The following TTC39C variants were observed in gnomAD, a reference collection of about 807,000 sequenced individuals.
The protein encoded by TTC39C is tetratricopeptide repeat protein 39C.
Under a neutral mutation model 76.3 loss-of-function variants are expected in TTC39C, and 33 were observed. That is an observed-to-expected ratio of 0.43 (90% CI 0.33 to 0.58). The LOEUF is 0.58. Ranked by LOEUF, TTC39C falls within the 20% of genes least tolerant of loss-of-function variation. The pLI, the probability that TTC39C is intolerant of heterozygous loss-of-function variation, is 0.04. For missense variants in TTC39C, 595 were observed against 701.4 expected (o/e 0.85, Z 1.71); for synonymous variants, 254 against 260.6 (o/e 0.97, Z 0.24).
chr18:24,120,423 C>T (rs1035527302), intron 8 of TTC39C, among the ~76,000 whole-genome samples: 3 of 152,162 alleles, frequency 2.0e-5, no homozygotes, highest in East Asian at 1.9e-4. Flanking sequence ...TTGGGCTGGC[C>T]GTGAGCTAGA....
chr18:24,070,034 T>G (rs973364134), intron 4 of TTC39C, among the ~76,000 whole-genome samples: 1 of 152,222 alleles, frequency 6.6e-6, no homozygotes, highest in African/African-American at 2.4e-5. Context: ...AAACCCTAAA[T>G]GAAGAAGGAT....
chr18:24,016,516 T>C, intron 1 of TTC39C: 1 of 393,380 alleles, frequency 2.5e-6, no homozygotes, highest in East Asian at 3.6e-5. Flanking sequence ...GGTACTTGCA[T>C]GTTTAAGTAC....
intron 1 of TTC39C, among the ~76,000 whole-genome samples, chr18:24,056,894 G>C (rs2084023467): frequency 6.6e-6 from 1 of 152,004 alleles, no homozygotes; most frequent in African/African-American, 2.4e-5. Context: ...TGTTGCCCAG[G>C]CTGGTTTGGA....
At chr18:24,111,135 C>T (rs1404018203) in intron 6 of TTC39C, among the ~76,000 whole-genome samples, 1 of 152,076 alleles carries the variant, frequency 6.6e-6, no homozygotes, top group Non-Finnish European at 1.5e-5. Context: ...GGACTACAGA[C>T]ATGTGCCACC....
intron 6 of TTC39C, among the ~76,000 whole-genome samples, chr18:24,098,404 C>CCCTACCTCCTTCCTTCCTT (rs2084619578): frequency 8.0e-6 from 1 of 124,938 alleles, no homozygotes; most frequent in Non-Finnish European, 1.7e-5. Flanking sequence ...CTCCCTCCCT[C>CCCTACCTCCTTCCTTCCTT]CCTCCCTCCC....
chr18:24,039,633 C>T (rs75146656), intron 1 of TTC39C, among the ~76,000 whole-genome samples: 6,079 of 152,238 alleles, frequency 0.04, 405 homozygotes, highest in African/African-American at 0.14. Context: ...TGCCTGGCAC[C>T]ATTGGTGGTT....
chr18:24,074,972 TA>T (rs2084285260), intron 4 of TTC39C, among the ~76,000 whole-genome samples: 1 of 152,078 alleles, frequency 6.6e-6, no homozygotes, highest in African/African-American at 2.4e-5. Flanking sequence ...TATGCAGCCA[TA>T]AAAAAGGATG....
intron 1 of TTC39C, among the ~76,000 whole-genome samples, chr18:24,042,432 T>C (rs2083806833): frequency 6.6e-6 from 1 of 152,168 alleles, no homozygotes; most frequent in Non-Finnish European, 1.5e-5. Flanking sequence ...AGGGTTCGCG[T>C]TCTTAGGAGA....
At chr18:24,094,595 G>T (rs1366801359) in intron 6 of TTC39C, among the ~76,000 whole-genome samples, 3 of 152,228 alleles carry the variant, frequency 2.0e-5, no homozygotes, top group African/African-American at 7.2e-5. Flanking sequence ...AATGGATGTT[G>T]TGTTAACAGA....
rs144967797 is a variant in TTC39C at position 24,083,065 on chromosome 18, G to A, written c.968G>A (p.Arg323Gln). 8 of 1,613,646 alleles carry A rather than the reference G, an allele frequency of 5.0e-6. No homozygotes were observed. The highest frequency in any genetic ancestry group is 4.0e-5 in the African/African-American group (3 of 74,866). Reference protein sequence around the residue: ...NSSLFMFFKGRIQRLECQINS... With the variant: ...NSSLFMFFKGQIQRLECQINS... ...TCCCTCTTTATGTTTTTCAAGGGAC[G>A]GATACAACGACTAGAGGTACTGTAC... Residue 323 changes from arginine (R) to glutamine (Q), a missense_variant, in exon 6 of 14, where the codon CGG (arginine) becomes CAG (glutamine). Coordinates refer to ENST00000317571, the MANE Select transcript of TTC39C (RefSeq NM_001135993.2).
intron 1 of TTC39C, among the ~76,000 whole-genome samples, chr18:24,003,356 T>A (rs2083328181): frequency 2.0e-5 from 3 of 152,324 alleles, no homozygotes; most frequent in Admixed American, 2.0e-4. Context: ...ATGACCATCT[T>A]ACATTAAAAG....
intron 1 of TTC39C, among the ~76,000 whole-genome samples, chr18:23,998,878 G>A (rs2083290544): frequency 6.6e-6 from 1 of 152,086 alleles, no homozygotes; most frequent in South Asian, 2.1e-4. Context: ...TTATCCTGCT[G>A]CTCGGGAACC....
intron 1 of TTC39C, among the ~76,000 whole-genome samples, chr18:24,042,573 C>T (rs1448871305): frequency 6.6e-6 from 1 of 152,224 alleles, no homozygotes; most frequent in Non-Finnish European, 1.5e-5. Context: ...GGTTGGGAAC[C>T]CCTGCTTTAG....
chr18:24,053,683 A>G (rs919525745), intron 1 of TTC39C, among the ~76,000 whole-genome samples: 1 of 152,232 alleles, frequency 6.6e-6, no homozygotes, highest in Admixed American at 6.5e-5. Flanking sequence ...GAGATATAGA[A>G]CAGTAAAAAT....
intron 6 of TTC39C, among the ~76,000 whole-genome samples, chr18:24,091,719 T>G (rs2145776133): frequency 6.6e-6 from 1 of 152,330 alleles, no homozygotes; most frequent in East Asian, 1.9e-4. Context: ...GCAAGTTATA[T>G]ATCTGATACG....
Position 24,135,015 on chromosome 18 carries a change from T to G in TTC39C, c.*2441T>G, listed in dbSNP as rs1318528352. On this transcript the variant is annotated 3_prime_UTR_variant, in exon 14 of 14. Transcript: ENST00000317571. ...AATTTTTAATCTTTATTTTTATTTT[T>G]ATTTTGAAACAGAGTCTCACTCTGT... 2 of 152,140 alleles carry G rather than the reference T, an allele frequency of 1.3e-5. No homozygotes were observed. Among genetic ancestry groups the G allele is most frequent in the African/African-American group, 2.4e-5 (1 of 41,426 alleles). The allele number at this position is 152,140 out of a possible 1,614,324, so 9.4% of individuals were successfully genotyped here.
chr18:23,996,686 G>A (rs191672012), intron 1 of TTC39C, among the ~76,000 whole-genome samples: 1 of 152,330 alleles, frequency 6.6e-6, no homozygotes, highest in African/African-American at 2.4e-5. Context: ...GACTTTTGAG[G>A]ATGAGGCCTA....
At chr18:24,024,006 A>ATTTTTT (rs1568409124) in intron 1 of TTC39C, among the ~76,000 whole-genome samples, 5 of 5,778 alleles carry the variant, frequency 8.7e-4, no homozygotes, top group Non-Finnish European at 1.3e-3. Context: ...ATATATATAT[A>ATTTTTT]TATATATATA....
intron 6 of TTC39C, among the ~76,000 whole-genome samples, chr18:24,095,182 T>G (rs2145781234): frequency 6.6e-6 from 1 of 152,358 alleles, no homozygotes; most frequent in South Asian, 2.1e-4. Flanking sequence ...AACCAACCTC[T>G]GCCAACCTTG....
Sources: allele counts gnomAD v4.1 joint callset (sites outside exome capture counted in the v4.1 genomes callset), GRCh38; gene constraint gnomAD v4.1.1; transcripts MANE v1.5; gene names NCBI Gene and HGNC (gene_info 2026-07-23, HGNC 2026-07-21).